The following SYCE2 variants were observed in gnomAD, a reference collection of about 807,000 sequenced individuals.
SYCE2 encodes synaptonemal complex central element protein 2.
SYCE2 carries 3 observed loss-of-function variants against 27.9 expected under a neutral mutation model. The observed-to-expected ratio is 0.11, with a 90% CI of 0.05 to 0.28. The LOEUF is 0.28. SYCE2 is among the 10% of genes least tolerant of loss of function. The pLI, the probability that SYCE2 is intolerant of heterozygous loss-of-function variation, is 1.00. For synonymous variants in SYCE2, 85 were observed against 100.7 expected (o/e 0.84, Z 0.93); for missense variants, 207 against 263.5 (o/e 0.79, Z 1.48).
intron 5 of SYCE2, chr19:12,899,747 G>C: frequency 6.2e-7 from 1 of 1,610,824 alleles, no homozygotes; most frequent in South Asian, 1.1e-5. Context: ...TCTGTAGAGC[G>C]TCTCAATCCA....
At chr19:12,899,981 C>G (rs1261289874) in intron 5 of SYCE2, 23 bp downstream of exon 5, 1 of 1,612,572 alleles carries the variant, frequency 6.2e-7, no homozygotes, top group Non-Finnish European at 8.5e-7. Context: ...CCCAAGGTGT[C>G]AGGCCGGTTT....
intron 1 of SYCE2, 100 bp downstream of exon 1, chr19:12,919,143 C>A: frequency 6.6e-7 from 1 of 1,518,458 alleles, no homozygotes; most frequent in Non-Finnish European, 9.0e-7. Flanking sequence ...AAAGGACAAG[C>A]GGCCGGGCTC....
rs1318258490 is a variant in SYCE2, at chr19:12,904,779, T to C, written c.132-113A>G. The C allele has an allele frequency of 2.4e-6, 3 of 1,241,674 alleles. No individual in the cohort carries two copies. In the African/African-American group the frequency reaches 4.5e-5, roughly 19 times the overall value. 76.9% of individuals were successfully genotyped at this position (1,241,674 alleles called of 1,614,324 possible). A position where few individuals can be genotyped will look rare whatever the true frequency, so the allele number is the denominator to read the frequency against. On this transcript the variant is annotated intron_variant, in intron 2 of 5. Coordinates refer to ENST00000293695, the MANE Select transcript of SYCE2 (RefSeq NM_001105578.2). ...CACTTTGTAGGCCGAGGTGGGCGGA[T>C]CACAAGGTCAGGAGTTCGAGACCAG...
At position 12,900,431 on chromosome 19, in the gene SYCE2, C is replaced by T. The variant is rs758825252; in HGVS notation, c.495+29G>A. ...GGCCATCCCTGTCCTCTTCCTCAGG[C>T]AGCGCCCCCCCTGTGAGTTTACTCA... is the stretch of plus-strand genomic sequence containing the variant. On this transcript the variant is annotated intron_variant, in intron 4 of 5. Coordinates refer to ENST00000293695, the MANE Select transcript of SYCE2 (RefSeq NM_001105578.2). The T allele has an allele frequency of 3.1e-6, 5 of 1,603,980 alleles. No individual in the cohort carries two copies. In the South Asian group the frequency reaches 5.6e-5, roughly 18 times the overall value.
At chr19:12,902,180 A>G (rs778241451) in intron 3 of SYCE2, among the ~76,000 whole-genome samples, 1 of 152,114 alleles carries the variant, frequency 6.6e-6, no homozygotes, top group Non-Finnish European at 1.5e-5. Context: ...CTAGGTGTGT[A>G]GTAGACTATA....
intron 2 of SYCE2, among the ~76,000 whole-genome samples, chr19:12,905,413 G>A (rs1293423971): frequency 6.7e-6 from 1 of 148,296 alleles, no homozygotes; most frequent in Non-Finnish European, 1.5e-5. Flanking sequence ...CTCACTGCAA[G>A]CTCCACCTCC....
chr19:12,915,669 ACCT>A (rs1470464560), intron 2 of SYCE2, among the ~76,000 whole-genome samples: 1 of 150,604 alleles, frequency 6.6e-6, no homozygotes, highest in Non-Finnish European at 1.5e-5. Flanking sequence ...TACTGAAAAA[ACCT>A]CTAGGATAAA....
intron 1 of SYCE2, 119 bp from the exon 2 acceptor site, chr19:12,918,456 G>A (rs368726922): frequency 1.1e-5 from 10 of 902,784 alleles, no homozygotes; most frequent in African/African-American, 6.6e-5. Flanking sequence ...GTGGGGACCC[G>A]CAGGAAAGAC....
intron 2 of SYCE2, among the ~76,000 whole-genome samples, chr19:12,907,106 G>A (rs1970947547): frequency 6.6e-6 from 1 of 152,132 alleles, no homozygotes; most frequent in African/African-American, 2.4e-5. Flanking sequence ...AGGTAGAGCT[G>A]CCCCTGTGAG....
chr19:12,918,254 G>A lies in SYCE2; in HGVS notation c.99C>T (p.Asn33=), dbSNP rs1462034141. The change falls in exon 2 of 6, where the codon AAC becomes AAT. Residue 33 remains asparagine (N), a synonymous_variant. Coordinates refer to ENST00000293695, the MANE Select transcript of SYCE2 (RefSeq NM_001105578.2). ...GCCCTCCACCAGCTTCCTCCTCGCA[G>A]TTCTCTTCCCACCGCGGATGCTCCT... ...ESKEHPRWEE[N]CEEEAGGGPA... is the part of the protein sequence containing the mutation. 3.1e-6 allele frequency: 5 copies of A among 1,614,068 alleles called. No individual in the cohort carries two copies. In the African/African-American group the frequency reaches 6.7e-5, roughly 22 times the overall value.
intron 3 of SYCE2, among the ~76,000 whole-genome samples, chr19:12,902,007 C>T (rs1970850153): frequency 1.3e-5 from 2 of 152,026 alleles, no homozygotes; most frequent in African/African-American, 4.8e-5. Context: ...CAATGATGGC[C>T]CATAAGAGTA....
Position 12,900,034 on chromosome 19 carries a change from G to A in SYCE2, c.582C>T (p.Phe194=), listed in dbSNP as rs375724605. 95 of 1,613,664 alleles carry A rather than the reference G, an allele frequency of 5.9e-5. 1 individual carries two copies. The East Asian group carries it at 8.5e-4, about 14-fold the overall frequency. The change falls in exon 5 of 6, where the codon TTC becomes TTT. Residue 194 remains phenylalanine (F), a synonymous_variant. Transcript: ENST00000293695. ...AAGTAGTTTCAGCCACAGAAGAAACGAACACGTCTGGGGGCTGTGAGTTGC... is the reference window on the plus strand; with the variant it reads ...AAGTAGTTTCAGCCACAGAAGAAACAAACACGTCTGGGGGCTGTGAGTTGC... ...RPGNSQPPDV[F]VSSVAETTSQ...
chr19:12,900,955 G>A (rs539764083), intron 3 of SYCE2, among the ~76,000 whole-genome samples: 24 of 152,168 alleles, frequency 1.6e-4, no homozygotes, highest in Admixed American at 5.2e-4. Context: ...CGAGGCGGGC[G>A]GATCACGAGG....
intron 2 of SYCE2, among the ~76,000 whole-genome samples, chr19:12,915,183 C>G (rs917439458): frequency 6.6e-6 from 1 of 152,188 alleles, no homozygotes; most frequent in African/African-American, 2.4e-5. Context: ...CAGTGGCTCA[C>G]GCCTGTAATC....
intron 2 of SYCE2, among the ~76,000 whole-genome samples, chr19:12,913,414 C>T (rs1971081741): frequency 2.0e-5 from 3 of 152,170 alleles, no homozygotes; most frequent in South Asian, 2.1e-4. Flanking sequence ...GTAAACAATC[C>T]GCCAGCCACT....
intron 3 of SYCE2, among the ~76,000 whole-genome samples, chr19:12,903,863 G>T (rs1427152578): frequency 1.3e-5 from 2 of 152,190 alleles, no homozygotes; most frequent in Non-Finnish European, 2.9e-5. Context: ...CTTCCAAAGT[G>T]CTGGGATTAC....
In SYCE2 at chr19:12,917,663, T is replaced by C. The variant is rs1971161146; in HGVS notation, c.131+559A>G. Among the ~76,000 whole-genome samples the C allele has an allele frequency of 1.5e-5, 2 of 137,922 alleles. 1 individual carries two copies. The allele number at this position is 137,922 out of a possible 152,430, so 90.5% of individuals were successfully genotyped here. On this transcript the variant is annotated intron_variant, in intron 2 of 5. Transcript: ENST00000293695. ...GGCATAAGCCACCATTCCTGGCTTT[T>C]TTTTTTTTTTTTTGAGACAGCGTTT...
chr19:12,914,170 C>A (rs1971094258), intron 2 of SYCE2: 1 of 152,212 alleles, frequency 6.6e-6, no homozygotes, highest in African/African-American at 2.4e-5. Flanking sequence ...AACTCATGTT[C>A]TTGTCTCTGC....
chr19:12,908,733 G>C (rs539754580), intron 2 of SYCE2, among the ~76,000 whole-genome samples: 21 of 152,276 alleles, frequency 1.4e-4, no homozygotes, highest in African/African-American at 5.1e-4. Flanking sequence ...TGACCTTGTG[G>C]TTAGACCGAT....
Sources: allele counts gnomAD v4.1 joint callset (sites outside exome capture counted in the v4.1 genomes callset), GRCh38; gene constraint gnomAD v4.1.1; transcripts MANE v1.5; gene names NCBI Gene and HGNC (gene_info 2026-07-23, HGNC 2026-07-21).